COL23A1: variants seen among roughly 807,000 people sequenced by gnomAD.
COL23A1 encodes the protein collagen alpha-1(XXIII) chain.
COL23A1 carries 97 observed loss-of-function variants against 99.3 expected under a neutral mutation model. The ratio of observed to expected loss-of-function variants is 0.98; its 90% CI spans 0.83 to 1.16. The LOEUF (loss-of-function observed/expected upper bound fraction) is 1.16, where lower values mean the gene tolerates loss of function less well. Ranked by LOEUF, COL23A1 falls within the 50% of genes most tolerant of loss-of-function variation. The probability of loss-of-function intolerance (pLI) is 0.00; values close to 1 mark genes in which losing one functional copy is unlikely to be tolerated. For synonymous variants in COL23A1, 320 were observed against 308.2 expected (o/e 1.04, Z -0.40); for missense variants, 762 against 757.4 (o/e 1.01, Z -0.07).
rs559117559 is a variant in COL23A1 at position 178,261,635 on chromosome 5, G to C, written c.702+87C>G. The C allele has an allele frequency of 1.4e-5, 13 of 898,352 alleles. No individual in the cohort carries two copies. The Admixed American group carries it at 1.9e-4, about 13-fold the overall frequency. 55.6% of individuals were successfully genotyped at this position (898,352 alleles called of 1,614,324 possible). A position where few individuals can be genotyped will look rare whatever the true frequency, so the allele number is the denominator to read the frequency against. On this transcript the variant is annotated intron_variant, in intron 11 of 28. Coordinates refer to ENST00000390654, the MANE Select transcript of COL23A1 (RefSeq NM_173465.4). ...TGCTGCCTTGGCTTCACTAGGGGTG[G>C]GGGGAAGAGACAGGAAGTGGAGGTG...
intron 19 of COL23A1, 122 bp downstream of exon 19, chr5:178,248,995 G>C: frequency 1.1e-6 from 1 of 919,102 alleles, no homozygotes; most frequent in Non-Finnish European, 1.8e-6. Context: ...CGGCCGGCTG[G>C]GCACTGAGAC....
intron 1 of COL23A1, among the ~76,000 whole-genome samples, chr5:178,587,837 A>G (rs551387270): frequency 2.0e-5 from 3 of 152,254 alleles, no homozygotes; most frequent in African/African-American, 7.2e-5. Context: ...AGTGACATTT[A>G]CAAGAAGAAT....
intron 2 of COL23A1, among the ~76,000 whole-genome samples, chr5:178,551,096 G>C (rs1761972480): frequency 2.9e-5 from 1 of 33,926 alleles, no homozygotes; most frequent in Non-Finnish European, 1.2e-4. Context: ...CACTGCTCTT[G>C]GTTTGAACTT....
rs367658283 is a variant in COL23A1 at position 178,482,248 on chromosome 5, A to T, written c.361+78434T>A. ...ATAACCAATTGTGGTGTATACATAC[A>T]GTGGAATATTATTCAGCCTTAAATG... On this transcript the variant is annotated intron_variant, in intron 2 of 28. Coordinates refer to ENST00000390654, the MANE Select transcript of COL23A1 (RefSeq NM_173465.4). Among the ~76,000 whole-genome samples the T allele has an allele frequency of 6.6e-5, 10 of 152,318 alleles. No homozygotes were observed. In the East Asian group the frequency reaches 1.9e-3, roughly 29 times the overall value.
chr5:178,506,188 C>T (rs1177149795), intron 2 of COL23A1, among the ~76,000 whole-genome samples: 1 of 152,224 alleles, frequency 6.6e-6, no homozygotes, highest in Non-Finnish European at 1.5e-5. Flanking sequence ...GTCACTCCTT[C>T]CCCCTGGGCT....
At chr5:178,448,983 T>TA (rs570120462) in intron 2 of COL23A1, among the ~76,000 whole-genome samples, 1 of 151,338 alleles carries the variant, frequency 6.6e-6, no homozygotes, top group Non-Finnish European at 1.5e-5. Context: ...TAAAATAATT[T>TA]AAAAATATAT....
intron 2 of COL23A1, among the ~76,000 whole-genome samples, chr5:178,353,423 A>G (rs994263921): frequency 6.6e-6 from 1 of 152,228 alleles, no homozygotes; most frequent in South Asian, 2.1e-4. Flanking sequence ...TAAAACTATG[A>G]GAAAATATTT....
In COL23A1 at chr5:178,280,421, G is replaced by A. The variant is rs762031431; in HGVS notation, c.441+7903C>T. On this transcript the variant is annotated intron_variant, in intron 5 of 28. Transcript: ENST00000390654. The surrounding 1 kb of genome is among the most constrained non-coding windows in gnomAD (Gnocchi z 4.9). Reference sequence around the variant, plus strand: ...ATAGCTGAAGGGGCCGAGGCTTGGCGGGGCCAGGGACGTGCCTGAGGCCAC... The same window carrying A: ...ATAGCTGAAGGGGCCGAGGCTTGGCAGGGCCAGGGACGTGCCTGAGGCCAC... 6.6e-5 allele frequency among the ~76,000 whole-genome samples: 10 copies of A among 152,120 alleles called. No homozygotes were observed. The highest frequency in any genetic ancestry group is 2.1e-4 in the South Asian group (1 of 4,830).
chr5:178,239,280 G>A (rs1034453000), intron 27 of COL23A1, 101 bp from the exon 28 acceptor site: 17 of 1,367,038 alleles, frequency 1.2e-5, no homozygotes, highest in Non-Finnish European at 1.5e-5. Flanking sequence ...AGGCCAGGGA[G>A]CGGCCATGTG....
chr5:178,290,340 C>T lies in COL23A1; in HGVS notation c.414+22G>A, dbSNP rs774081266. The stretch of plus-strand genomic sequence containing the variant: ...AAACATCTTATCTTTCAGAAGCAGA[C>T]AGCACAGTCCAGGACACTTACTGGA... On this transcript the variant is annotated intron_variant, in intron 4 of 28. Coordinates refer to ENST00000390654, the MANE Select transcript of COL23A1 (RefSeq NM_173465.4). The T allele has an allele frequency of 2.5e-6, 4 of 1,613,884 alleles. 1 individual carries two copies. In the South Asian group the frequency reaches 4.4e-5, roughly 18 times the overall value.
intron 2 of COL23A1, among the ~76,000 whole-genome samples, chr5:178,543,323 T>A (rs1171062402): frequency 6.6e-6 from 1 of 152,116 alleles, no homozygotes; most frequent in African/African-American, 2.4e-5. Flanking sequence ...GCCAGGCTGG[T>A]CGTCAACTCC....
At chr5:178,297,347 C>T (rs1459791653) in intron 3 of COL23A1, among the ~76,000 whole-genome samples, 1 of 152,170 alleles carries the variant, frequency 6.6e-6, no homozygotes, top group Non-Finnish European at 1.5e-5. Flanking sequence ...ATGGCAAAAA[C>T]CCATCTATAC....
intron 2 of COL23A1, among the ~76,000 whole-genome samples, chr5:178,492,394 G>A (rs1057129541): frequency 6.6e-6 from 1 of 152,126 alleles, no homozygotes; most frequent in African/African-American, 2.4e-5. Flanking sequence ...AGGGAAGGCC[G>A]TGTGAGGACG....
At chr5:178,569,901 T>A (rs1037067407) in intron 1 of COL23A1, among the ~76,000 whole-genome samples, 3 of 152,078 alleles carry the variant, frequency 2.0e-5, no homozygotes, top group Non-Finnish European at 4.4e-5. Context: ...CTCACTTGGT[T>A]AAGTCAGGGC....
Position 178,569,641 on chromosome 5 carries a change from T to C in COL23A1, c.295-8893A>G, listed in dbSNP as rs985790370. On this transcript the variant is annotated intron_variant, in intron 1 of 28. Transcript: ENST00000390654. ...GTCAGAGGCTGGGCATAACTGCAGT[T>C]GGTCTCTGCTCAGGTTCTCGAGGCT... Among the ~76,000 whole-genome samples, 37 of 152,212 alleles carry C rather than the reference T, an allele frequency of 2.4e-4. 1 individual carries two copies. The highest frequency in any genetic ancestry group is 8.7e-4 in the African/African-American group (36 of 41,466).
chr5:178,391,223 T>C (rs1318821042), intron 2 of COL23A1, among the ~76,000 whole-genome samples: 2 of 152,180 alleles, frequency 1.3e-5, no homozygotes, highest in African/African-American at 2.4e-5. Context: ...TGTGGAAAAA[T>C]TGTTTTCCAC....
At chr5:178,470,833 T>G (rs1470914785) in intron 2 of COL23A1, among the ~76,000 whole-genome samples, 1 of 152,234 alleles carries the variant, frequency 6.6e-6, no homozygotes, top group Non-Finnish European at 1.5e-5. Flanking sequence ...GAGCGGCCGT[T>G]CATGCTGAGA....
rs556752197 is a variant in COL23A1 at position 178,308,528 on chromosome 5, C to T, written c.362-1609G>A. Among the ~76,000 whole-genome samples, 5 of 152,246 alleles carry T rather than the reference C, an allele frequency of 3.3e-5. No homozygotes were observed. The highest frequency in any genetic ancestry group is 1.9e-4 in the East Asian group (1 of 5,172). On this transcript the variant is annotated intron_variant, in intron 2 of 28. Transcript: ENST00000390654. The surrounding 1 kb of genome is among the most constrained non-coding windows in gnomAD (Gnocchi z 5.1). ...CTGGTGAGGCTAGGACTCTGGGACC[C>T]TCAGAACAGACAACAGCTCCTCATA... is the stretch of plus-strand genomic sequence containing the variant.
chr5:178,413,947 A>G lies in COL23A1; in HGVS notation c.362-107028T>C, dbSNP rs527934281. 3.9e-4 allele frequency among the ~76,000 whole-genome samples: 59 copies of G among 152,268 alleles called. No homozygotes were observed. In the South Asian group the frequency reaches 0.011, roughly 28 times the overall value. ...AGGTCTTGGGAGCTCCTTAGATCTG[A>G]GCCCAATCTGCTTGCATTTTTGACA... On this transcript the variant is annotated intron_variant, in intron 2 of 28. Coordinates refer to ENST00000390654, the MANE Select transcript of COL23A1 (RefSeq NM_173465.4).
Sources: allele counts gnomAD v4.1 joint callset (sites outside exome capture counted in the v4.1 genomes callset), GRCh38; gene constraint gnomAD v4.1.1; non-coding constraint Gnocchi (gnomAD v3.1); transcripts MANE v1.5; gene names NCBI Gene and HGNC (gene_info 2026-07-23, HGNC 2026-07-21).